The following BCR variants were observed in gnomAD, a reference collection of about 807,000 sequenced individuals.
The protein encoded by BCR is BCR activator of RhoGEF and GTPase, also known as breakpoint cluster region protein.
BCR carries 58 observed loss-of-function variants against 138.6 expected under a neutral mutation model. That is an observed-to-expected ratio of 0.42 (90% confidence interval 0.34 to 0.52). BCR has a LOEUF of 0.52. Ranked by LOEUF, BCR falls within the 20% of genes least tolerant of loss-of-function variation. The pLI, the probability that BCR is intolerant of heterozygous loss-of-function variation, is 0.06. For synonymous variants in BCR, 786 were observed against 730.1 expected, an observed-to-expected ratio of 1.08 and a Z score of -1.23; for missense variants, 1,599 against 1,727.2, an observed-to-expected ratio of 0.93 and a Z score of 1.32.
At chr22:23,313,424 G>A (rs1422557029) in intron 20 of BCR, among the ~76,000 whole-genome samples, 2 of 152,224 alleles carry the variant, frequency 1.3e-5, no homozygotes, top group African/African-American at 4.8e-5. Flanking sequence ...TCTAGAGTGG[G>A]TGCTGGTGTG....
chr22:23,186,165 C>T (rs1365693089), intron 1 of BCR, among the ~76,000 whole-genome samples: 3 of 152,190 alleles, frequency 2.0e-5, no homozygotes, highest in African/African-American at 7.2e-5. Context: ...TGATCAGTCA[C>T]CAGAAGTTGG....
At chr22:23,303,660 A>G (rs559986177) in intron 16 of BCR, among the ~76,000 whole-genome samples, 9 of 152,372 alleles carry the variant, frequency 5.9e-5, no homozygotes, top group African/African-American at 1.4e-4. Context: ...ATGAAGATGT[A>G]AACATCATGA....
At chr22:23,271,673 A>C in intron 6 of BCR, 81 bp downstream of exon 6, 2 of 1,398,982 alleles carry the variant, frequency 1.4e-6, no homozygotes. Flanking sequence ...GGAAAAGCAG[A>C]CACAGTGCCC....
intron 1 of BCR, among the ~76,000 whole-genome samples, chr22:23,220,740 A>C (rs1378066888): frequency 6.6e-6 from 1 of 152,170 alleles, no homozygotes; most frequent in Non-Finnish European, 1.5e-5. Flanking sequence ...CTGGACCCGC[A>C]TTCCCATCTG....
At chr22:23,313,136 T>C in intron 20 of BCR, 115 bp downstream of exon 20, 1 of 1,347,432 alleles carries the variant, frequency 7.4e-7, no homozygotes, top group Non-Finnish European at 1.0e-6. Context: ...TCTGCCATGG[T>C]CGGCATTTTA....
intron 20 of BCR, among the ~76,000 whole-genome samples, chr22:23,313,302 TCC>T (rs931177717): frequency 6.6e-6 from 1 of 152,200 alleles, no homozygotes; most frequent in Admixed American, 6.5e-5. Context: ...CTGTCCTCCT[TCC>T]TGCAGACCAG....
intron 1 of BCR, among the ~76,000 whole-genome samples, chr22:23,192,714 C>T (rs573943363): frequency 2.5e-4 from 38 of 152,338 alleles, no homozygotes; most frequent in Non-Finnish European, 3.7e-4. Flanking sequence ...GTTGGAAGGG[C>T]GCTGCCCATC....
chr22:23,269,251 C>G (rs1174217368), intron 5 of BCR, among the ~76,000 whole-genome samples: 2 of 152,234 alleles, frequency 1.3e-5, no homozygotes, highest in African/African-American at 4.8e-5. Flanking sequence ...CTGCCCTTCT[C>G]CAGCCTGTGT....
intron 1 of BCR, among the ~76,000 whole-genome samples, chr22:23,197,874 A>AG (rs953502259): frequency 1.3e-5 from 2 of 151,356 alleles, no homozygotes; most frequent in Non-Finnish European, 2.9e-5. Context: ...GATTCTGGGG[A>AG]GGGGGTGACA....
intron 1 of BCR, among the ~76,000 whole-genome samples, chr22:23,202,094 T>C (rs1274503658): frequency 1.3e-5 from 2 of 152,194 alleles, no homozygotes; most frequent in African/African-American, 4.8e-5. Flanking sequence ...TACTTTGTAG[T>C]GGAGTTATGG....
At chr22:23,200,865 G>A (rs2072545374) in intron 1 of BCR, among the ~76,000 whole-genome samples, 1 of 152,152 alleles carries the variant, frequency 6.6e-6, no homozygotes, top group Non-Finnish European at 1.5e-5. Flanking sequence ...TGGCCAAGGG[G>A]GCTTTTCAAA....
intron 8 of BCR, among the ~76,000 whole-genome samples, chr22:23,281,074 A>G (rs908249313): frequency 1.3e-5 from 2 of 152,192 alleles, no homozygotes; most frequent in African/African-American, 4.8e-5. Context: ...AGGCACTCAC[A>G]CTCACACAAG....
At chr22:23,238,336 C>T (rs1212291130) in intron 1 of BCR, among the ~76,000 whole-genome samples, 2 of 152,056 alleles carry the variant, frequency 1.3e-5, no homozygotes, top group Non-Finnish European at 2.9e-5. Flanking sequence ...GGGGAAAATC[C>T]ATTTGAGTTT....
chr22:23,310,644 G>T (rs949295634), intron 18 of BCR, among the ~76,000 whole-genome samples: 2 of 152,208 alleles, frequency 1.3e-5, no homozygotes, highest in Non-Finnish European at 2.9e-5. Flanking sequence ...GAAGCAGTAG[G>T]CTGGCTCCAG....
intron 1 of BCR, among the ~76,000 whole-genome samples, chr22:23,228,396 A>T (rs1207168725): frequency 6.6e-6 from 1 of 152,140 alleles, no homozygotes; most frequent in Non-Finnish European, 1.5e-5. Flanking sequence ...AAGTATTTGG[A>T]GGTTTTTCCA....
chr22:23,253,746 T>G (rs1332376739), intron 1 of BCR, 53 bp from the exon 2 acceptor site: 1 of 1,560,820 alleles, frequency 6.4e-7, no homozygotes, highest in African/African-American at 1.3e-5. Flanking sequence ...ATGGGTTGAG[T>G]ATGGATGCTC....
At chr22:23,294,907 C>A in intron 15 of BCR, 117 bp from the exon 16 acceptor site, 1 of 1,306,796 alleles carries the variant, frequency 7.7e-7, no homozygotes, top group Non-Finnish European at 1.1e-6. Context: ...GGGTCTCAGG[C>A]ATTGGTCCCT....
intron 1 of BCR, among the ~76,000 whole-genome samples, chr22:23,188,275 G>A (rs2072372608): frequency 2.0e-5 from 3 of 152,326 alleles, no homozygotes; most frequent in South Asian, 4.1e-4. Flanking sequence ...ACTTGTTTTG[G>A]GAACAGAATG....
Position 23,284,947 on chromosome 22 carries a change from C to T in BCR, c.2238-86C>T, listed in dbSNP as rs2073693500. On this transcript the variant is annotated intron_variant, in intron 9 of 22. Transcript: ENST00000305877. ...CAGGTAAACCATGTATGGCCGAGAACACTGGCTCTTGGGCTCTTGACAGCA... is the reference window on the plus strand; with the variant it reads ...CAGGTAAACCATGTATGGCCGAGAATACTGGCTCTTGGGCTCTTGACAGCA... 8 of 1,459,342 alleles carry T rather than the reference C, an allele frequency of 5.5e-6. No individual in the cohort carries two copies. In the South Asian group the frequency reaches 1.0e-4, roughly 19 times the overall value. 90.4% of individuals were successfully genotyped at this position (1,459,342 alleles called of 1,614,324 possible). A position where few individuals can be genotyped will look rare whatever the true frequency, so the allele number is the denominator to read the frequency against.
Sources: allele counts gnomAD v4.1 joint callset (sites outside exome capture counted in the v4.1 genomes callset), GRCh38; gene constraint gnomAD v4.1.1; transcripts MANE v1.5; gene names NCBI Gene and HGNC (gene_info 2026-07-23, HGNC 2026-07-21).